The following PIP5K1A variants were observed in gnomAD, a reference collection of about 807,000 sequenced individuals.
The protein encoded by PIP5K1A is phosphatidylinositol 4-phosphate 5-kinase type-1 alpha.
Under a neutral mutation model 72.9 loss-of-function variants are expected in PIP5K1A, and 46 were observed. The observed-to-expected ratio is 0.63, with a 90% confidence interval of 0.50 to 0.81. The LOEUF (loss-of-function observed/expected upper bound fraction) is 0.81, where lower values mean the gene tolerates loss of function less well. Among genes scored for constraint, PIP5K1A ranks in the 30% least tolerant of loss-of-function variants. PIP5K1A has a pLI of 0.00. For synonymous variants in PIP5K1A, 228 were observed against 255.1 expected (o/e 0.89, Z 1.01); for missense variants, 458 against 706.1 (o/e 0.65, Z 3.98).
chr1:151,213,933 A>G (rs1333091223), intron 1 of PIP5K1A, among the ~76,000 whole-genome samples: 2 of 151,950 alleles, frequency 1.3e-5, no homozygotes, highest in Non-Finnish European at 2.9e-5. Flanking sequence ...AAATAAGCCT[A>G]CTCCCACTAT....
intron 4 of PIP5K1A, among the ~76,000 whole-genome samples, chr1:151,231,122 G>A (rs921291003): frequency 6.7e-6 from 1 of 150,342 alleles, no homozygotes; most frequent in African/African-American, 2.5e-5. Flanking sequence ...CATGAGAATC[G>A]CTTGAACCGG....
At chr1:151,238,291 A>C (rs764970587) in intron 10 of PIP5K1A, 26 bp downstream of exon 10, 12 of 1,400,718 alleles carry the variant, frequency 8.6e-6, no homozygotes, top group African/African-American at 4.2e-5. Context: ...ATCCCAAATT[A>C]AGAGAGGGTG....
intron 1 of PIP5K1A, among the ~76,000 whole-genome samples, chr1:151,213,180 C>T (rs1239205689): frequency 7.9e-5 from 12 of 152,148 alleles, no homozygotes; most frequent in Non-Finnish European, 1.2e-4. Context: ...TGAGCAACCG[C>T]GCCCGGCCTG....
At chr1:151,201,993 G>T (rs1173682381) in intron 1 of PIP5K1A, among the ~76,000 whole-genome samples, 1 of 152,154 alleles carries the variant, frequency 6.6e-6, no homozygotes, top group Non-Finnish European at 1.5e-5. Context: ...ACATCTCTTA[G>T]AGCTTATGGT....
Position 151,246,979 on chromosome 1 carries a change from A to T in PIP5K1A, c.1686+14A>T, listed in dbSNP as rs1571041391. The stretch of plus-strand genomic sequence containing the variant: ...GAGTTCACCCATGTGAGTATCTGGG[A>T]TGTGTGGGAGGTGAACGTTTTGCAA... On this transcript the variant is annotated intron_variant, in intron 15 of 15. Coordinates refer to ENST00000368888, the MANE Select transcript of PIP5K1A (RefSeq NM_001135638.2). 6.2e-7 allele frequency: 1 copy of T among 1,609,546 alleles called. No homozygotes were observed. Among genetic ancestry groups the T allele is most frequent in the East Asian group, 2.2e-5 (1 of 44,852 alleles).
At chr1:151,236,215 C>T (rs964758375) in intron 8 of PIP5K1A, among the ~76,000 whole-genome samples, 1 of 151,828 alleles carries the variant, frequency 6.6e-6, no homozygotes, top group Non-Finnish European at 1.5e-5. Context: ...CGTGGTGGCT[C>T]ATACCAATAG....
Position 151,236,808 on chromosome 1 carries a change from GCA to G in PIP5K1A, c.1145+47_1145+48del, listed in dbSNP as rs2101459447. Reference sequence around the variant, plus strand: ...CTAGGGGGGAGAACATAGGCCCACAGCACTTTTCTTTTCTTTTTTTTTTTTTT... The same window carrying G: ...CTAGGGGGGAGAACATAGGCCCACAGCTTTTCTTTTCTTTTTTTTTTTTTT... On this transcript the variant is annotated intron_variant, in intron 9 of 15. Transcript: ENST00000368888. The G allele has an allele frequency of 3.6e-6, 3 of 824,652 alleles. No individual in the cohort carries two copies. In the East Asian group the frequency reaches 8.5e-5, roughly 23 times the overall value. The allele number at this position is 824,652 out of a possible 1,614,324, so 51.1% of individuals were successfully genotyped here. A position where few individuals can be genotyped will look rare whatever the true frequency, so the allele number is the denominator to read the frequency against.
intron 4 of PIP5K1A, among the ~76,000 whole-genome samples, chr1:151,230,235 A>G (rs1013441765): frequency 2.0e-5 from 3 of 152,264 alleles, no homozygotes; most frequent in African/African-American, 4.8e-5. Context: ...AATGTGCTGT[A>G]TCTGTGCTAT....
At chr1:151,202,459 A>G (rs587693535) in intron 1 of PIP5K1A, among the ~76,000 whole-genome samples, 1 of 152,260 alleles carries the variant, frequency 6.6e-6, no homozygotes, top group South Asian at 2.1e-4. Flanking sequence ...ACTCTCTTCC[A>G]ATCGCAAATA....
intron 1 of PIP5K1A, among the ~76,000 whole-genome samples, chr1:151,204,326 G>A (rs587652715): frequency 2.0e-5 from 3 of 152,258 alleles, no homozygotes; most frequent in South Asian, 4.1e-4. Flanking sequence ...ACAGGCACCC[G>A]CCAACACGCC....
chr1:151,203,778 C>G (rs1685542454), intron 1 of PIP5K1A, among the ~76,000 whole-genome samples: 1 of 150,176 alleles, frequency 6.7e-6, no homozygotes, highest in African/African-American at 2.5e-5. Flanking sequence ...GAGCTGAGAT[C>G]ACGCCACTGT....
chr1:151,205,837 TTTTC>T (rs1420301893), intron 1 of PIP5K1A, among the ~76,000 whole-genome samples: 1 of 152,076 alleles, frequency 6.6e-6, no homozygotes, highest in East Asian at 1.9e-4. Context: ...ATCAGTTTAT[TTTTC>T]TTTCTTCTTT....
intron 4 of PIP5K1A, 52 bp from the exon 5 acceptor site, chr1:151,231,605 CTGAATTTTTATTGT>C: frequency 7.0e-7 from 1 of 1,434,926 alleles, no homozygotes; most frequent in Middle Eastern, 2.0e-4. Context: ...CTTCCCCTTT[CTGAATTTTTATTGT>C]TATGATCCTA....
rs200726239 is a variant in PIP5K1A at position 151,223,967 on chromosome 1, C to CA, written c.86-269dup. 2,087 of 466,270 alleles carry CA rather than the reference C, an allele frequency of 4.5e-3. 6 individuals are homozygous for CA. Among genetic ancestry groups the CA allele is most frequent in the African/African-American group, 0.011 (551 of 49,522 alleles). 28.9% of individuals were successfully genotyped at this position (466,270 alleles called of 1,614,324 possible). ...TGGGCGATAGAGTGAGACTCCATCTCAAAAAAAAAGAAAAAGTTATATTTC... is the reference window on the plus strand; with the variant it reads ...TGGGCGATAGAGTGAGACTCCATCTCAAAAAAAAAAGAAAAAGTTATATTTC... On this transcript the variant is annotated intron_variant, in intron 1 of 15. Coordinates refer to ENST00000368888, the MANE Select transcript of PIP5K1A (RefSeq NM_001135638.2).
chr1:151,220,648 G>A (rs1040813320), intron 1 of PIP5K1A, among the ~76,000 whole-genome samples: 18 of 152,188 alleles, frequency 1.2e-4, no homozygotes, highest in African/African-American at 2.4e-4. Flanking sequence ...TGTGTTTTTA[G>A]TAGAGATGGG....
At chr1:151,242,384 C>T (rs1691874438) in intron 13 of PIP5K1A, 54 bp from the exon 14 acceptor site, 1 of 1,607,732 alleles carries the variant, frequency 6.2e-7, no homozygotes, top group Non-Finnish European at 8.5e-7. Context: ...AGCCTAGCTG[C>T]TACATATTTT....
intron 1 of PIP5K1A, among the ~76,000 whole-genome samples, chr1:151,210,377 A>T: frequency 6.7e-6 from 1 of 149,532 alleles, no homozygotes; most frequent in African/African-American, 2.5e-5. Context: ...TTAAGTAGAG[A>T]CAGTCTCATC....
chr1:151,221,832 G>C (rs924776001), intron 1 of PIP5K1A, among the ~76,000 whole-genome samples: 2 of 152,208 alleles, frequency 1.3e-5, no homozygotes, highest in African/African-American at 4.8e-5. Flanking sequence ...AGTGACTCAG[G>C]AGGCTGAGGT....
rs763905082 is a variant in PIP5K1A, at chr1:151,243,268, G to A, written c.1640+701G>A. ...CCTCCCAGGGTCTCATCCCATTGTA[G>A]CGTTAGCTCAGAGTCCAGAGTTTTA... On this transcript the variant is annotated intron_variant, in intron 14 of 15. Coordinates refer to ENST00000368888, the MANE Select transcript of PIP5K1A (RefSeq NM_001135638.2). Among the ~76,000 whole-genome samples the A allele has an allele frequency of 9.2e-4, 140 of 152,248 alleles. 1 individual carries two copies. Among genetic ancestry groups the A allele is most frequent in the Non-Finnish European group, 1.6e-3 (111 of 68,016 alleles).
Sources: allele counts gnomAD v4.1 joint callset (sites outside exome capture counted in the v4.1 genomes callset), GRCh38; gene constraint gnomAD v4.1.1; transcripts MANE v1.5; gene names NCBI Gene and HGNC (gene_info 2026-07-23, HGNC 2026-07-21).